SHOC2: variants seen among roughly 807,000 people sequenced by gnomAD.
SHOC2 encodes the protein SHOC2 leucine rich repeat scaffold protein.
Under a neutral mutation model 50.2 loss-of-function variants are expected in SHOC2, and 4 were observed. The ratio of observed to expected loss-of-function variants is 0.08; its 90% CI spans 0.04 to 0.18. The LOEUF is 0.18. SHOC2 is among the 10% of genes least tolerant of loss of function. The pLI is 1.00. For synonymous variants in SHOC2, 218 were observed against 244.5 expected (o/e 0.89, Z 1.01); for missense variants, 388 against 669.6 (o/e 0.58, Z 4.64).
chr10:110,924,543 C>T (rs771229622), intron 1 of SHOC2, among the ~76,000 whole-genome samples: 64 of 152,110 alleles, frequency 4.2e-4, no homozygotes, highest in Non-Finnish European at 8.7e-4. Context: ...TCGATTAAAG[C>T]TTGTATTATT....
chr10:110,937,212 C>G (rs1052544212), intron 1 of SHOC2: 21 of 1,445,412 alleles, frequency 1.5e-5, no homozygotes, highest in Non-Finnish European at 2.0e-5. Flanking sequence ...CCATCAAGCA[C>G]CAGGACCTGC....
chr10:110,965,415 T>C (rs1038118181), intron 2 of SHOC2, among the ~76,000 whole-genome samples: 4 of 152,312 alleles, frequency 2.6e-5, no homozygotes, highest in Non-Finnish European at 2.9e-5. Flanking sequence ...TTATTAGATA[T>C]ATGAAAACTA....
At chr10:110,991,932 G>C (rs1418228243) in intron 3 of SHOC2, among the ~76,000 whole-genome samples, 1 of 152,166 alleles carries the variant, frequency 6.6e-6, no homozygotes, top group Non-Finnish European at 1.5e-5. Flanking sequence ...CTGCAGAGTT[G>C]ATGCTAGTCT....
intron 1 of SHOC2, among the ~76,000 whole-genome samples, chr10:110,931,384 G>C (rs1326528115): frequency 6.6e-6 from 1 of 152,134 alleles, no homozygotes; most frequent in East Asian, 1.9e-4. Context: ...AATTGTGGGT[G>C]TTTTCTCATT....
chr10:110,978,403 T>C, intron 2 of SHOC2, among the ~76,000 whole-genome samples: 1 of 152,210 alleles, frequency 6.6e-6, no homozygotes, highest in East Asian at 1.9e-4. Flanking sequence ...TGCTGTTGAG[T>C]CACCTTGACC....
At chr10:111,002,835 G>A (rs61864603) in intron 4 of SHOC2, among the ~76,000 whole-genome samples, 65 of 152,056 alleles carry the variant, frequency 4.3e-4, no homozygotes, top group African/African-American at 1.4e-3. Flanking sequence ...AGAAATGAGA[G>A]CTTGAAGAGC....
At chr10:110,975,993 C>T (rs919431284) in intron 2 of SHOC2, among the ~76,000 whole-genome samples, 4 of 152,038 alleles carry the variant, frequency 2.6e-5, no homozygotes, top group Non-Finnish European at 5.9e-5. Flanking sequence ...TCATTGCAAC[C>T]TCTGCCTCAC....
chr10:110,920,664 T>C (rs1278272161), intron 1 of SHOC2, among the ~76,000 whole-genome samples: 1 of 152,248 alleles, frequency 6.6e-6, no homozygotes, highest in Non-Finnish European at 1.5e-5. Context: ...TTTAAGCCCT[T>C]ACAGTTGGCA....
chr10:110,998,663 A>C (rs1297882703), intron 3 of SHOC2, among the ~76,000 whole-genome samples: 1 of 152,110 alleles, frequency 6.6e-6, no homozygotes, highest in East Asian at 1.9e-4. Context: ...CCTATGGAAT[A>C]GTTCTAATTG....
intron 8 of SHOC2, among the ~76,000 whole-genome samples, chr10:111,011,075 A>G (rs896220050): frequency 6.6e-6 from 1 of 152,216 alleles, no homozygotes; most frequent in Non-Finnish European, 1.5e-5. Context: ...TTAAAGGTCT[A>G]CATAAGTCAG....
At chr10:111,000,097 A>C (rs1848341938) in intron 3 of SHOC2, among the ~76,000 whole-genome samples, 1 of 152,208 alleles carries the variant, frequency 6.6e-6, no homozygotes, top group African/African-American at 2.4e-5. Context: ...TAAAATATAC[A>C]CTGCTTTGAT....
chr10:110,940,711 C>T (rs937072614), intron 1 of SHOC2, among the ~76,000 whole-genome samples: 2 of 151,990 alleles, frequency 1.3e-5, no homozygotes, highest in Non-Finnish European at 1.5e-5. Flanking sequence ...TAATGGTTTT[C>T]TGTTGTCTTT....
chr10:111,009,341 T>C lies in SHOC2; in HGVS notation c.1378T>C (p.Leu460=). ...AGAGTTGGATCTAGAAGAGAACAAA[T>C]TGGAATCCTTGCCAAATGAAATTGC... ...LRELDLEENK[L]ESLPNEIAYL... The change falls in exon 7 of 9, where the codon TTG becomes CTG. Residue 460 remains leucine, a synonymous_variant. Transcript: ENST00000369452. 2 of 1,609,254 alleles carry C rather than the reference T, an allele frequency of 1.2e-6. No individual in the cohort carries two copies. Among genetic ancestry groups the C allele is most frequent in the Non-Finnish European group, 1.7e-6 (2 of 1,175,874 alleles).
At chr10:110,930,735 C>CTTTTTTTTTTTTTTTTT (rs772553111) in intron 1 of SHOC2, among the ~76,000 whole-genome samples, 4 of 96,806 alleles carry the variant, frequency 4.1e-5, no homozygotes, top group African/African-American at 1.0e-4. Context: ...ACGAGTAAAT[C>CTTTTTTTTTTTTTTTTT]TTTTTTTTTT....
Position 111,011,852 on chromosome 10 carries a change from A to G in SHOC2, c.*34A>G. 6.8e-7 allele frequency: 1 copy of G among 1,471,576 alleles called. No homozygotes were observed. The highest frequency in any genetic ancestry group is 2.3e-5 in the East Asian group (1 of 44,266). The allele number at this position is 1,471,576 out of a possible 1,614,324, so 91.2% of individuals were successfully genotyped here. A position where few individuals can be genotyped will look rare whatever the true frequency, so the allele number is the denominator to read the frequency against. ...TGCTGGTCCCACACACTGTTCAAAAATAGACTGCCATTAATGTTTCTTATC... is the reference window on the plus strand; with the variant it reads ...TGCTGGTCCCACACACTGTTCAAAAGTAGACTGCCATTAATGTTTCTTATC... On this transcript the variant is annotated 3_prime_UTR_variant, in exon 9 of 9. Transcript: ENST00000369452.
chr10:110,947,168 C>T (rs1037667910), intron 1 of SHOC2, among the ~76,000 whole-genome samples: 1 of 152,184 alleles, frequency 6.6e-6, no homozygotes, highest in African/African-American at 2.4e-5. Flanking sequence ...GTCAAGTGAG[C>T]CCCTAACTTT....
At chr10:110,961,422 T>C (rs1847570246) in intron 1 of SHOC2, among the ~76,000 whole-genome samples, 1 of 152,234 alleles carries the variant, frequency 6.6e-6, no homozygotes, top group Non-Finnish European at 1.5e-5. Flanking sequence ...AATTTTTGAC[T>C]GTCAGATAAT....
chr10:110,988,941 A>G (rs1242912718), intron 3 of SHOC2: 1 of 503,110 alleles, frequency 2.0e-6, no homozygotes, highest in Admixed American at 2.1e-5. Flanking sequence ...AGGTTGGTAC[A>G]AAAGCAATCG....
chr10:110,981,786 T>C (rs1847980630), intron 2 of SHOC2, among the ~76,000 whole-genome samples: 1 of 152,054 alleles, frequency 6.6e-6, no homozygotes, highest in African/African-American at 2.4e-5. Flanking sequence ...CTGGAATTAA[T>C]CCTAATCATT....
Sources: allele counts gnomAD v4.1 joint callset (sites outside exome capture counted in the v4.1 genomes callset), GRCh38; gene constraint gnomAD v4.1.1; transcripts MANE v1.5; gene names NCBI Gene and HGNC (gene_info 2026-07-23, HGNC 2026-07-21).